The following APBB1IP variants were observed in gnomAD, a reference collection of about 807,000 sequenced individuals.
The protein encoded by APBB1IP is amyloid beta precursor protein binding family B member 1 interacting protein, also known as amyloid beta A4 precursor protein-binding family B member 1-interacting protein.
Under a neutral mutation model 64.9 loss-of-function variants are expected in APBB1IP, and 27 were observed. The ratio of observed to expected loss-of-function variants is 0.42; its 90% CI spans 0.31 to 0.57. The LOEUF (loss-of-function observed/expected upper bound fraction) is 0.57. Among genes scored for constraint, APBB1IP ranks in the 20% least tolerant of loss-of-function variants. The probability of loss-of-function intolerance (pLI) is 0.20; values close to 1 mark genes in which losing one functional copy is unlikely to be tolerated. For missense variants in APBB1IP, 812 were observed against 845.5 expected, an observed-to-expected ratio of 0.96 and a Z score of 0.49; for synonymous variants, 392 against 331.0, an observed-to-expected ratio of 1.18 and a Z score of -2.00.
At position 26,538,570 on chromosome 10, in the gene APBB1IP, G is replaced by T. The variant is rs201108199; in HGVS notation, c.1044+2353G>T. On this transcript the variant is annotated intron_variant, in intron 10 of 14. Coordinates refer to ENST00000376236, the MANE Select transcript of APBB1IP (RefSeq NM_019043.4). ...GCAGAAGAATTGCTTGAACCCAGGAGGCGGAGGTTGCAGTGAGCCAAGATC... is the reference window on the plus strand; with the variant it reads ...GCAGAAGAATTGCTTGAACCCAGGATGCGGAGGTTGCAGTGAGCCAAGATC... Among the ~76,000 whole-genome samples, 32 of 151,634 alleles carry T rather than the reference G, an allele frequency of 2.1e-4. No homozygotes were observed. In the East Asian group the frequency reaches 6.2e-3, roughly 29 times the overall value.
intron 8 of APBB1IP, among the ~76,000 whole-genome samples, 172 bp downstream of exon 8, chr10:26,513,832 A>G (rs577834035): frequency 1.3e-3 from 195 of 152,248 alleles, no homozygotes; most frequent in African/African-American, 4.5e-3. Flanking sequence ...TCCTGGGTTC[A>G]AGCAATTCTC....
In APBB1IP at chr10:26,506,977, G is replaced by T. The variant is rs192658642; in HGVS notation, c.531+3703G>T. 2.5e-3 allele frequency among the ~76,000 whole-genome samples: 381 copies of T among 152,316 alleles called. 1 individual carries two copies. Among genetic ancestry groups the T allele is most frequent in the South Asian group, 7.5e-3 (36 of 4,830 alleles). ...GCAGCTGGATGCATGTGGGTGTGGT[G>T]CTGGGGGGCATTCCCGGCAGAGGGA... On this transcript the variant is annotated intron_variant, in intron 6 of 14. Transcript: ENST00000376236.
intron 2 of APBB1IP, among the ~76,000 whole-genome samples, chr10:26,453,122 T>C (rs1239846073): frequency 6.6e-6 from 1 of 152,154 alleles, no homozygotes; most frequent in Non-Finnish European, 1.5e-5. Context: ...AAAATGTCTA[T>C]AAAGAGATAA....
rs370864441 is a variant in APBB1IP, at chr10:26,539,447, GAAGGAAGA to G, written c.1045-2114_1045-2107del. Among the ~76,000 whole-genome samples the G allele has an allele frequency of 6.1e-3, 923 of 150,298 alleles. 15 individuals carry two copies. Among genetic ancestry groups the G allele is most frequent in the South Asian group, 0.052 (243 of 4,662 alleles). On this transcript the variant is annotated intron_variant, in intron 10 of 14. Transcript: ENST00000376236. Reference sequence around the variant, plus strand: ...AAGGAAAGAAAGAGAGAGAGTGAAGGAAGGAAGAAAGGAAGAAAGGAAGAAAGGGAGGA... The same window carrying G: ...AAGGAAAGAAAGAGAGAGAGTGAAGGAAGGAAGAAAGGAAGAAAGGGAGGA...
In APBB1IP at chr10:26,500,952, T is replaced by A. The variant is rs1217801309; in HGVS notation, c.294T>A (p.Ser98=). 6.2e-7 allele frequency: 1 copy of A among 1,614,172 alleles called. No homozygotes were observed. Among genetic ancestry groups the A allele is most frequent in the African/African-American group, 1.3e-5 (1 of 75,052 alleles). Reference sequence around the variant, plus strand: ...TGCAGAATCAACATCATTCAGCATCTCTACAAGCATCAATTTTCAGTGGTG... The same window carrying A: ...TGCAGAATCAACATCATTCAGCATCACTACAAGCATCAATTTTCAGTGGTG... ...ESLQNQHHSA[S]LQASIFSGAA... is the part of the protein sequence containing the mutation. Residue 98 remains serine (S), a synonymous_variant, in exon 5 of 15, where the codon TCT becomes TCA. Coordinates refer to ENST00000376236, the MANE Select transcript of APBB1IP (RefSeq NM_019043.4).
intron 2 of APBB1IP, among the ~76,000 whole-genome samples, chr10:26,443,983 C>T (rs1385788283): frequency 1.3e-5 from 2 of 152,142 alleles, no homozygotes; most frequent in African/African-American, 4.8e-5. Context: ...ACAGATGCTA[C>T]TCAATAAGCA....
intron 2 of APBB1IP, among the ~76,000 whole-genome samples, chr10:26,478,521 A>G (rs1835801298): frequency 6.6e-6 from 1 of 151,770 alleles, no homozygotes; most frequent in African/African-American, 2.4e-5. Flanking sequence ...AGTCTGAGGC[A>G]GGAGAATCAC....
chr10:26,516,492 C>T (rs538286853), intron 8 of APBB1IP, among the ~76,000 whole-genome samples: 58 of 130,260 alleles, frequency 4.5e-4, no homozygotes, highest in African/African-American at 1.5e-3. Flanking sequence ...TGCAGTAAGC[C>T]GAGATAGCAC....
Position 26,543,466 on chromosome 10 carries a change from C to CAA in APBB1IP, c.1155+1786_1155+1787dup, listed in dbSNP as rs751555149. On this transcript the variant is annotated intron_variant, in intron 11 of 14. Coordinates refer to ENST00000376236, the MANE Select transcript of APBB1IP (RefSeq NM_019043.4). ...TGGGCGACAGAGAGAGACTCTGTCT[C>CAA]AAAAAAAAAAAAAGAAAAGAAAAAG... is the stretch of plus-strand genomic sequence containing the variant. Among the ~76,000 whole-genome samples, 675 of 88,386 alleles carry CAA rather than the reference C, an allele frequency of 7.6e-3. 16 individuals are homozygous for CAA. Among genetic ancestry groups the CAA allele is most frequent in the Admixed American group, 0.022 (207 of 9,440 alleles). 58.0% of individuals were successfully genotyped at this position (88,386 alleles called of 152,430 possible).
chr10:26,488,939 C>T (rs1835924325), intron 2 of APBB1IP, among the ~76,000 whole-genome samples: 1 of 152,280 alleles, frequency 6.6e-6, no homozygotes. Context: ...TGTATGTACA[C>T]CTGATTCTTT....
At position 26,501,072 on chromosome 10, in the gene APBB1IP, C is replaced by G. The variant is rs764531668; in HGVS notation, c.414C>G (p.Asp138Glu). The change falls in exon 5 of 15, where the codon GAC becomes GAG. Residue 138 changes from aspartate (D) to glutamate (E), a missense_variant. By Grantham distance (45) the Asp-to-Glu change is conservative. Around this residue, in one of 3 missense-constraint regions of APBB1IP, gnomAD observed 394 missense variants for 413.1 expected, o/e 0.95. Coordinates refer to ENST00000376236, the MANE Select transcript of APBB1IP (RefSeq NM_019043.4). ...LPPPPADPVL[D>E]LPLPPPPPEP... ...CTCCACCAGCCGATCCTGTGTTAGACCTTCCACTGCCACCACCACCTCCTG... is the reference window on the plus strand; with the variant it reads ...CTCCACCAGCCGATCCTGTGTTAGAGCTTCCACTGCCACCACCACCTCCTG... 6.2e-7 allele frequency: 1 copy of G among 1,614,220 alleles called. No homozygotes were observed. Among genetic ancestry groups the G allele is most frequent in the South Asian group, 1.1e-5 (1 of 91,086 alleles).
At chr10:26,452,737 C>T (rs1835478689) in intron 2 of APBB1IP, among the ~76,000 whole-genome samples, 1 of 150,386 alleles carries the variant, frequency 6.6e-6, no homozygotes, top group African/African-American at 2.5e-5. Flanking sequence ...ATATTTCATC[C>T]TGGTGCAGTC....
At chr10:26,536,011 G>A in intron 9 of APBB1IP, 63 bp from the exon 10 acceptor site, 1 of 1,497,006 alleles carries the variant, frequency 6.7e-7, no homozygotes, top group South Asian at 1.4e-5. Flanking sequence ...GTTTTTAAAT[G>A]TGAATAAAAA....
chr10:26,537,423 C>T (rs1232343342), intron 10 of APBB1IP, among the ~76,000 whole-genome samples: 3 of 152,174 alleles, frequency 2.0e-5, no homozygotes, highest in African/African-American at 4.8e-5. Flanking sequence ...TGGTCCAGGA[C>T]AGCTACTGTT....
At chr10:26,502,444 A>G (rs1010538712) in intron 5 of APBB1IP, among the ~76,000 whole-genome samples, 13 of 152,142 alleles carry the variant, frequency 8.5e-5, no homozygotes, top group Non-Finnish European at 1.9e-4. Context: ...GATGGAGACA[A>G]TCCAGGCTAA....
chr10:26,537,086 T>C (rs1000953827), intron 10 of APBB1IP, among the ~76,000 whole-genome samples: 6 of 152,186 alleles, frequency 3.9e-5, no homozygotes, highest in African/African-American at 1.4e-4. Context: ...TAATAAATTA[T>C]TCCTTGAAAT....
intron 14 of APBB1IP, 127 bp downstream of exon 14, chr10:26,562,556 T>C (rs778150004): frequency 6.0e-5 from 43 of 710,950 alleles, no homozygotes; most frequent in Non-Finnish European, 9.1e-5. Context: ...TCCCAGAACT[T>C]TGGGAGGCTG....
chr10:26,533,339 A>G (rs1564371315), intron 8 of APBB1IP, 100 bp from the exon 9 acceptor site: 1 of 630,296 alleles, frequency 1.6e-6, no homozygotes, highest in East Asian at 3.3e-5. Flanking sequence ...TGTTTGTTTC[A>G]CACACTTAAC....
chr10:26,472,094 G>A (rs983234664), intron 2 of APBB1IP, among the ~76,000 whole-genome samples: 1 of 152,120 alleles, frequency 6.6e-6, no homozygotes, highest in Non-Finnish European at 1.5e-5. Flanking sequence ...AAGATGGGTG[G>A]GGGCTGCGGG....
Sources: allele counts gnomAD v4.1 joint callset (sites outside exome capture counted in the v4.1 genomes callset), GRCh38; gene constraint gnomAD v4.1.1; regional missense constraint gnomAD v4.1.1; transcripts MANE v1.5; gene names NCBI Gene and HGNC (gene_info 2026-07-23, HGNC 2026-07-21).